The following PCBP3 variants were observed in gnomAD, a reference collection of about 807,000 sequenced individuals.
PCBP3 encodes poly(rC)-binding protein 3.
A neutral mutation model predicts 52.7 loss-of-function variants in PCBP3; 25 were observed. The ratio of observed to expected loss-of-function variants is 0.47; its 90% CI spans 0.35 to 0.66. The LOEUF is 0.66. Among genes scored for constraint, PCBP3 ranks in the 30% least tolerant of loss-of-function variants. The pLI is 0.01. For missense variants in PCBP3, 391 were observed against 490.3 expected (o/e 0.80, Z 1.91); for synonymous variants, 162 against 183.0 (o/e 0.89, Z 0.93).
intron 5 of PCBP3, among the ~76,000 whole-genome samples, chr21:45,878,303 G>A (rs552127907): frequency 2.6e-5 from 4 of 152,362 alleles, no homozygotes; most frequent in East Asian, 3.9e-4. Flanking sequence ...GGGTCCTCCC[G>A]GGGCTGTTTC....
At chr21:45,717,816 TTTGGTA>T (rs2084329031) in intron 2 of PCBP3, among the ~76,000 whole-genome samples, 1 of 152,208 alleles carries the variant, frequency 6.6e-6, no homozygotes, top group Non-Finnish European at 1.5e-5. Flanking sequence ...TTTGTTTGGG[TTTGGTA>T]TTGGGCTAAT....
chr21:45,739,325 G>A (rs10211864), intron 3 of PCBP3, among the ~76,000 whole-genome samples: 10 of 34,164 alleles, frequency 2.9e-4, no homozygotes, highest in Admixed American at 6.8e-4. Flanking sequence ...TCCTCTGGGT[G>A]GCCCCTCCCA....
chr21:45,662,657 A>T (rs7283803), intron 1 of PCBP3, among the ~76,000 whole-genome samples: 31,298 of 151,964 alleles, frequency 0.21, 3,548 homozygotes, highest in Middle Eastern at 0.34. Flanking sequence ...TATTCAAATA[A>T]TATAATAATC....
At chr21:45,835,682 C>G (rs928845981) in intron 4 of PCBP3, among the ~76,000 whole-genome samples, 32 of 152,198 alleles carry the variant, frequency 2.1e-4, no homozygotes, top group African/African-American at 7.5e-4. Flanking sequence ...CTGTGAGCTG[C>G]CCATGGGCCT....
rs1203777109 is a variant in PCBP3 at position 45,736,286 on chromosome 21, G to A, written c.-162+857G>A. ...TGAAGTAACTCACTCAGGTTATCTT[G>A]GTGCCAGTGGTGGGGCTGGGATTTG... On this transcript the variant is annotated intron_variant, in intron 3 of 17. Transcript: ENST00000681687. This position sits in a 1 kb window ranked among gnomAD's most constrained non-coding sequence, Gnocchi z 4.6. Among the ~76,000 whole-genome samples, 1 of 152,194 alleles carries A rather than the reference G, an allele frequency of 6.6e-6. No homozygotes were observed. The highest frequency in any genetic ancestry group is 1.5e-5 in the Non-Finnish European group (1 of 68,038).
chr21:45,865,811 G>T (rs1433969205), intron 5 of PCBP3, among the ~76,000 whole-genome samples: 1 of 152,226 alleles, frequency 6.6e-6, no homozygotes, highest in Non-Finnish European at 1.5e-5. Flanking sequence ...CAGGACCTCG[G>T]CAGGGCAGGC....
chr21:45,857,464 G>A (rs572911281), intron 5 of PCBP3, among the ~76,000 whole-genome samples: 1 of 152,216 alleles, frequency 6.6e-6, no homozygotes, highest in East Asian at 1.9e-4. Context: ...CCTCCTGTAT[G>A]GCCTGCAGAA....
chr21:45,697,234 C>T (rs893055662), intron 2 of PCBP3, among the ~76,000 whole-genome samples: 3 of 152,148 alleles, frequency 2.0e-5, no homozygotes, highest in Admixed American at 6.5e-5. Flanking sequence ...CTGGAAACAT[C>T]CCGAATGCCT....
intron 9 of PCBP3, among the ~76,000 whole-genome samples, chr21:45,905,879 C>T (rs2096190944): frequency 6.6e-6 from 1 of 152,214 alleles, no homozygotes; most frequent in Non-Finnish European, 1.5e-5. Context: ...CAGGCCCTGC[C>T]TGATCACCTC....
intron 5 of PCBP3, among the ~76,000 whole-genome samples, chr21:45,885,125 A>C (rs1337204680): frequency 6.6e-6 from 1 of 151,982 alleles, no homozygotes; most frequent in African/African-American, 2.4e-5. Context: ...ATTTTCCTTC[A>C]TCCCATAATG....
At chr21:45,711,464 A>G (rs2148152281) in intron 2 of PCBP3, among the ~76,000 whole-genome samples, 1 of 152,322 alleles carries the variant, frequency 6.6e-6, no homozygotes, top group South Asian at 2.1e-4. Context: ...TCACTCCAAC[A>G]GTGAGAAACT....
In PCBP3 at chr21:45,724,573, A is replaced by G. The variant is rs1001045596; in HGVS notation, c.-199-10819A>G. 6.6e-6 allele frequency among the ~76,000 whole-genome samples: 1 copy of G among 152,156 alleles called. No homozygotes were observed. The highest frequency in any genetic ancestry group is 2.4e-5 in the African/African-American group (1 of 41,434). ...CGGGCCAGGCTGCTCTGTAACACGA[A>G]CATTAAAACTGATTTGAGGTGTTAG... On this transcript the variant is annotated intron_variant, in intron 2 of 17. Transcript: ENST00000681687. This position sits in a 1 kb window ranked among gnomAD's most constrained non-coding sequence, Gnocchi z 5.3.
chr21:45,816,748 T>A (rs2092976086), intron 4 of PCBP3, among the ~76,000 whole-genome samples: 1 of 150,924 alleles, frequency 6.6e-6, no homozygotes, highest in Non-Finnish European at 1.5e-5. Context: ...TTAACTTTTT[T>A]TTTTTTAATA....
At chr21:45,842,598 C>T (rs935650808) in intron 4 of PCBP3, among the ~76,000 whole-genome samples, 9 of 152,102 alleles carry the variant, frequency 5.9e-5, no homozygotes, top group Admixed American at 1.3e-4. Flanking sequence ...ATGTTTGGCA[C>T]GACACATAAT....
chr21:45,894,940 C>T (rs1017369497), intron 5 of PCBP3, among the ~76,000 whole-genome samples: 1 of 152,176 alleles, frequency 6.6e-6, no homozygotes, highest in African/African-American at 2.4e-5. Flanking sequence ...TTACAGATAA[C>T]AATTTGTAAT....
Position 45,917,552 on chromosome 21 carries a change from A to T in PCBP3, c.676-36A>T. The T allele has an allele frequency of 6.3e-7, 1 of 1,591,490 alleles. No homozygotes were observed. Among genetic ancestry groups the T allele is most frequent in the Non-Finnish European group, 8.6e-7 (1 of 1,160,950 alleles). ...GCGGGTGCTGAGCCGTGGTGCAGCC[A>T]GGTTGCAGTCTGACGGGGTCTCTCT... On this transcript the variant is annotated intron_variant, in intron 12 of 17. Transcript: ENST00000681687. This position sits in a 1 kb window ranked among gnomAD's most constrained non-coding sequence, Gnocchi z 5.3.
chr21:45,787,966 T>C (rs996391494), intron 4 of PCBP3, among the ~76,000 whole-genome samples: 8 of 152,068 alleles, frequency 5.3e-5, no homozygotes, highest in Non-Finnish European at 1.0e-4. Flanking sequence ...TAGCAGACTA[T>C]AGCAAAGGCG....
intron 2 of PCBP3, among the ~76,000 whole-genome samples, chr21:45,672,534 A>G (rs926479815): frequency 4.0e-5 from 6 of 151,894 alleles, no homozygotes; most frequent in African/African-American, 1.2e-4. Flanking sequence ...CTTCTGATCT[A>G]TTTGCGTCTG....
At chr21:45,887,334 G>T (rs1413015077) in intron 5 of PCBP3, among the ~76,000 whole-genome samples, 3 of 152,248 alleles carry the variant, frequency 2.0e-5, no homozygotes, top group Non-Finnish European at 4.4e-5. Context: ...CACTCCTTTT[G>T]TGCATGTGGC....
Sources: gnomAD v4.1 joint callset for allele counts (sites outside exome capture counted in the v4.1 genomes callset) on GRCh38, gnomAD v4.1.1 for gene constraint, Gnocchi (gnomAD v3.1) non-coding constraint, MANE v1.5 for transcripts, NCBI Gene and HGNC (gene_info 2026-07-23, HGNC 2026-07-21) for gene names.